Variants in NBEA observed in about 807,000 individuals in gnomAD.
The protein encoded by NBEA is lysosomal-trafficking regulator 2.
Under a neutral mutation model 343.4 loss-of-function variants are expected in NBEA, and 44 were observed. That is an observed-to-expected ratio of 0.13 (90% CI 0.10 to 0.16). The LOEUF is 0.16. Ranked by LOEUF, NBEA falls within the 10% of genes least tolerant of loss-of-function variation. NBEA has a pLI of 1.00. For missense variants in NBEA, 2,555 were observed against 3,631.3 expected (o/e 0.70, Z 7.62); for synonymous variants, 1,175 against 1,238.7 (o/e 0.95, Z 1.08).
intron 53 of NBEA, among the ~76,000 whole-genome samples, chr13:35,652,620 G>A (rs2084592273): frequency 7.2e-6 from 1 of 138,384 alleles, no homozygotes; most frequent in Non-Finnish European, 1.5e-5. Flanking sequence ...CAGCCTGGGT[G>A]ACAGAGCGAG....
chr13:35,420,447 A>G (rs915999847), intron 38 of NBEA, among the ~76,000 whole-genome samples: 1 of 151,912 alleles, frequency 6.6e-6, no homozygotes, highest in Non-Finnish European at 1.5e-5. Flanking sequence ...TTTTTTGTCT[A>G]TATAAAGGAT....
intron 1 of NBEA, among the ~76,000 whole-genome samples, chr13:35,015,127 GAAAAAAAAAAAACAAAC>G (rs1383229291): frequency 1.6e-4 from 3 of 18,318 alleles, no homozygotes; most frequent in African/African-American, 2.4e-4. Flanking sequence ...AACGAGATCT[GAAAAAAAAAAAACAAAC>G]AAAAAAAAAA....
At chr13:34,971,587 G>A (rs962027295) in intron 1 of NBEA, among the ~76,000 whole-genome samples, 8 of 152,002 alleles carry the variant, frequency 5.3e-5, no homozygotes, top group Non-Finnish European at 7.4e-5. Flanking sequence ...TATTGAAAGC[G>A]TTTTCTGCAT....
chr13:35,396,667 A>G (rs535161237), intron 38 of NBEA, among the ~76,000 whole-genome samples: 6 of 152,094 alleles, frequency 3.9e-5, no homozygotes, highest in South Asian at 2.1e-4. Context: ...AATTCCTCCA[A>G]ATTTTCCTCA....
chr13:35,311,702 A>G (rs2037378420), intron 36 of NBEA, among the ~76,000 whole-genome samples: 1 of 152,252 alleles, frequency 6.6e-6, no homozygotes, highest in African/African-American at 2.4e-5. Context: ...AAAAATACAA[A>G]AATTAGCCAG....
intron 31 of NBEA, among the ~76,000 whole-genome samples, chr13:35,202,937 T>G (rs1414933340): frequency 6.6e-6 from 1 of 152,172 alleles, no homozygotes; most frequent in Non-Finnish European, 1.5e-5. Flanking sequence ...CCTCCAGTTC[T>G]TATTTAAATC....
At chr13:34,944,662 C>A (rs1411331933) in intron 1 of NBEA, among the ~76,000 whole-genome samples, 1 of 151,400 alleles carries the variant, frequency 6.6e-6, no homozygotes, top group Non-Finnish European at 1.5e-5. Context: ...TCAGTACTTG[C>A]CATTTCTTTT....
chr13:35,076,174 T>C (rs2064108424), intron 10 of NBEA, among the ~76,000 whole-genome samples: 1 of 151,970 alleles, frequency 6.6e-6, no homozygotes, highest in South Asian at 2.1e-4. Context: ...ACAGTTATAT[T>C]TACTTAGGTT....
chr13:35,318,701 G>T (rs910620570), intron 36 of NBEA, among the ~76,000 whole-genome samples: 15 of 152,106 alleles, frequency 9.9e-5, no homozygotes, highest in African/African-American at 3.6e-4. Context: ...TGTACCTCTG[G>T]TAGAATTCGG....
chr13:35,570,094 TG>T (rs2080329151), intron 45 of NBEA, among the ~76,000 whole-genome samples: 2 of 152,162 alleles, frequency 1.3e-5, no homozygotes, highest in Non-Finnish European at 2.9e-5. Context: ...AGTGCAGTGG[TG>T]CAATCTCGGC....
rs1007573558 is a variant in NBEA, at chr13:35,221,112, G to A, written c.5648+9933G>A. Among the ~76,000 whole-genome samples, 4 of 152,116 alleles carry A rather than the reference G, an allele frequency of 2.6e-5. No individual in the cohort carries two copies. The South Asian group carries it at 8.3e-4, about 32-fold the overall frequency. Reference sequence around the variant, plus strand: ...TGTAATCCCAGCATTTTGGGAGGCCGAGGTGGGCAGATCACAAGGTCAGGA... The same window carrying A: ...TGTAATCCCAGCATTTTGGGAGGCCAAGGTGGGCAGATCACAAGGTCAGGA... On this transcript the variant is annotated intron_variant, in intron 33 of 58. Coordinates refer to ENST00000379939, the MANE Select transcript of NBEA (RefSeq NM_001385012.1).
intron 9 of NBEA, among the ~76,000 whole-genome samples, chr13:35,070,452 C>G (rs1449742237): frequency 6.6e-6 from 1 of 151,844 alleles, no homozygotes; most frequent in Non-Finnish European, 1.5e-5. Context: ...TCTTTAAATC[C>G]ATCAATAGTA....
intron 37 of NBEA, among the ~76,000 whole-genome samples, chr13:35,349,750 C>T (rs1476629976): frequency 1.3e-5 from 2 of 152,084 alleles, no homozygotes; most frequent in Non-Finnish European, 2.9e-5. Flanking sequence ...CCAATTTATT[C>T]TCCTGATACA....
intron 38 of NBEA, among the ~76,000 whole-genome samples, chr13:35,382,148 AT>A (rs1240409557): frequency 1.3e-5 from 2 of 152,106 alleles, no homozygotes; most frequent in African/African-American, 4.8e-5. Flanking sequence ...TAGCCAGGAT[AT>A]TTATCATTTA....
chr13:35,379,332 A>T (rs775573160), intron 38 of NBEA, among the ~76,000 whole-genome samples: 7 of 152,136 alleles, frequency 4.6e-5, no homozygotes, highest in Non-Finnish European at 1.0e-4. Context: ...ATGGCCAAAA[A>T]AGGTCACTTC....
intron 58 of NBEA, among the ~76,000 whole-genome samples, chr13:35,669,358 A>G (rs2085499334): frequency 6.6e-6 from 1 of 152,232 alleles, no homozygotes; most frequent in Non-Finnish European, 1.5e-5. Context: ...GTTTTTCCCA[A>G]CTACATGTAA....
chr13:35,597,842 C>G lies in NBEA; in HGVS notation c.7296+4395C>G, dbSNP rs148071008. ...ATTGCTCAAAGCAAGTCATGGGGCCCTCCCAGAATAAGGAAGAGTAGACAC... is the reference window on the plus strand; with the variant it reads ...ATTGCTCAAAGCAAGTCATGGGGCCGTCCCAGAATAAGGAAGAGTAGACAC... On this transcript the variant is annotated intron_variant, in intron 47 of 58. Transcript: ENST00000379939. Among the ~76,000 whole-genome samples, 713 of 152,202 alleles carry G rather than the reference C, an allele frequency of 4.7e-3. 8 individuals are homozygous for G. Among genetic ancestry groups the G allele is most frequent in the African/African-American group, 0.016 (678 of 41,514 alleles).
chr13:35,215,816 G>A (rs1395348863), intron 33 of NBEA, among the ~76,000 whole-genome samples: 1 of 151,262 alleles, frequency 6.6e-6, no homozygotes, highest in Non-Finnish European at 1.5e-5. Context: ...TTTCTGCCTG[G>A]AATTTTCTTT....
At chr13:35,512,688 T>C (rs2077322382) in intron 41 of NBEA, among the ~76,000 whole-genome samples, 1 of 152,206 alleles carries the variant, frequency 6.6e-6, no homozygotes, top group African/African-American at 2.4e-5. Context: ...CACAGTTCTT[T>C]CTGCATTTCC....
Sources: allele counts gnomAD v4.1 joint callset (sites outside exome capture counted in the v4.1 genomes callset), GRCh38; gene constraint gnomAD v4.1.1; transcripts MANE v1.5; gene names NCBI Gene and HGNC (gene_info 2026-07-23, HGNC 2026-07-21).